The following KLHL13 variants were observed in gnomAD, a reference collection of about 807,000 sequenced individuals.
The protein encoded by KLHL13 is kelch like family member 13, also known as kelch-like protein 13.
A neutral mutation model predicts 37.1 loss-of-function variants in KLHL13; 10 were observed. That is an observed-to-expected ratio of 0.27 (90% CI 0.17 to 0.46). KLHL13 has a LOEUF of 0.46. Among genes scored for constraint, KLHL13 ranks in the 20% least tolerant of loss-of-function variants. KLHL13 has a pLI of 1.00. For missense variants in KLHL13, 360 were observed against 509.3 expected (o/e 0.71, Z 2.82); for synonymous variants, 163 against 181.2 (o/e 0.90, Z 0.81).
chrX:117,973,125 CAA>C, exon 1 of KLHL13: 2 of 970,309 alleles, frequency 2.1e-6, no homozygotes, highest in Non-Finnish European at 1.3e-6. Flanking sequence ...GCATACCATA[CAA>C]TGCAGCTTTA....
chrX:117,902,062 G>T, intron 5 of KLHL13, 116 bp from the exon 7 acceptor site: 1 of 421,534 alleles, frequency 2.4e-6, no homozygotes, highest in Non-Finnish European at 4.2e-6. Context: ...ATCTATTATA[G>T]CTATGATAGA....
chrX:117,998,544 G>C (rs1220884771), intron 1 of KLHL13, among the ~76,000 whole-genome samples: 2 of 111,435 alleles, frequency 1.8e-5, no homozygotes, highest in Non-Finnish European at 3.8e-5. Flanking sequence ...GGCTGAGAAA[G>C]AGCACCAAAG....
At chrX:118,036,479 A>C (rs2054443243) in intron 1 of KLHL13, among the ~76,000 whole-genome samples, 2 of 111,582 alleles carry the variant, frequency 1.8e-5, no homozygotes, top group African/African-American at 6.5e-5. Flanking sequence ...CCGGAGAAAA[A>C]CAAGAAATGG....
chrX:117,985,524 A>G lies in KLHL13; in HGVS notation c.-55-39949T>C, dbSNP rs111756814. On this transcript the variant is annotated intron_variant, in intron 1 of 6. Transcript: ENST00000371882. ...TGTAGTCAGTGTAGTTGAACTATTT[A>G]TATTTCATATCTAAACTGCTGGCCA... 266 of 202,328 alleles carry G rather than the reference A, an allele frequency of 1.3e-3. 3 individuals carry two copies. The highest frequency in any genetic ancestry group is 1.8e-3 in the Non-Finnish European group (246 of 137,280). The allele number at this position is 202,328 out of a possible 1,213,427, so 16.7% of individuals were successfully genotyped here.
At chrX:118,106,868 T>C (rs1199410973) in intron 1 of KLHL13, among the ~76,000 whole-genome samples, 1 of 112,344 alleles carries the variant, frequency 8.9e-6, no homozygotes, top group Non-Finnish European at 1.9e-5. Context: ...TATCAAACTT[T>C]TATCTTCTCT....
intron 1 of KLHL13, among the ~76,000 whole-genome samples, chrX:117,970,829 A>G (rs1450947001): frequency 1.8e-5 from 2 of 111,935 alleles, no homozygotes; most frequent in Non-Finnish European, 3.8e-5. Context: ...AAAAAGAAAA[A>G]TAAGTTAAGA....
At chrX:118,036,510 T>C (rs2054443745) in intron 1 of KLHL13, among the ~76,000 whole-genome samples, 1 of 111,798 alleles carries the variant, frequency 8.9e-6, no homozygotes, top group African/African-American at 3.3e-5. Flanking sequence ...CCCTATTTAA[T>C]AAATGATGCT....
chrX:117,944,599 G>A (rs7890987), intron 2 of KLHL13, among the ~76,000 whole-genome samples: 9,483 of 110,822 alleles, frequency 0.086, 356 homozygotes, highest in Middle Eastern at 0.14. Flanking sequence ...AATCCATCTG[G>A]GGAGATTTCT....
At chrX:117,998,176 A>C in intron 1 of KLHL13, among the ~76,000 whole-genome samples, 1 of 111,823 alleles carries the variant, frequency 8.9e-6, no homozygotes, top group East Asian at 2.8e-4. Flanking sequence ...GGTACACAGA[A>C]ACCCCATGGG....
upstream of KLHL13, among the ~76,000 whole-genome samples, chrX:117,974,106 T>A (rs1034286955): frequency 1.8e-5 from 2 of 111,616 alleles, no homozygotes; most frequent in African/African-American, 6.5e-5. Flanking sequence ...AAGTGACTTT[T>A]AAGCTTCTGT....
At chrX:118,108,951 C>T (rs905738555) in intron 1 of KLHL13, among the ~76,000 whole-genome samples, 4 of 111,335 alleles carry the variant, frequency 3.6e-5, no homozygotes, top group Non-Finnish European at 7.5e-5. Flanking sequence ...AGACTATAGG[C>T]GTGTGCCTCC....
At chrX:118,080,921 T>C (rs2054985250) in intron 1 of KLHL13, among the ~76,000 whole-genome samples, 1 of 111,553 alleles carries the variant, frequency 9.0e-6, no homozygotes. Flanking sequence ...CAAGGAATAC[T>C]ATGCAGCCAT....
intron 1 of KLHL13, among the ~76,000 whole-genome samples, chrX:118,011,502 A>C (rs1602648600): frequency 9.0e-6 from 1 of 110,802 alleles, no homozygotes; most frequent in Non-Finnish European, 1.9e-5. Flanking sequence ...GATTAGAAGG[A>C]TATTTTAATG....
intron 4 of KLHL13, among the ~76,000 whole-genome samples, chrX:117,918,086 G>A (rs1304778244): frequency 9.0e-6 from 1 of 111,536 alleles, no homozygotes; most frequent in African/African-American, 3.3e-5. Context: ...TTCAGTAATG[G>A]AGGCAAGCAA....
At chrX:118,032,928 G>C (rs2148037537) in intron 1 of KLHL13, among the ~76,000 whole-genome samples, 1 of 111,860 alleles carries the variant, frequency 8.9e-6, no homozygotes, top group South Asian at 3.8e-4. Context: ...CAAGGCTTGA[G>C]AACTACGTGA....
chrX:117,994,655 T>C (rs997937356), intron 1 of KLHL13, among the ~76,000 whole-genome samples: 72 of 112,316 alleles, frequency 6.4e-4, no homozygotes, highest in African/African-American at 2.3e-3. Flanking sequence ...ACTGGGCACA[T>C]TCAGCTTCTT....
chrX:117,991,280 C>T (rs914394964), intron 1 of KLHL13, among the ~76,000 whole-genome samples: 3 of 110,067 alleles, frequency 2.7e-5, no homozygotes, highest in African/African-American at 1.0e-4. Flanking sequence ...CATATTAATC[C>T]TGAAGGAAGA....
intron 1 of KLHL13, among the ~76,000 whole-genome samples, chrX:118,070,905 C>A (rs998951642): frequency 9.2e-6 from 1 of 108,555 alleles, no homozygotes; most frequent in East Asian, 2.9e-4. Flanking sequence ...ATCCCTCCCC[C>A]CTTCCCCCAC....
chrX:118,062,782 G>T (rs2054755172), intron 1 of KLHL13, among the ~76,000 whole-genome samples: 1 of 110,909 alleles, frequency 9.0e-6, no homozygotes, highest in Non-Finnish European at 1.9e-5. Flanking sequence ...AAAAGGGTAA[G>T]GTCAACGTCT....
Sources: gnomAD v4.1 joint callset for allele counts (sites outside exome capture counted in the v4.1 genomes callset) on GRCh38, gnomAD v4.1.1 for gene constraint, MANE v1.5 for transcripts, NCBI Gene and HGNC (gene_info 2026-07-23, HGNC 2026-07-21) for gene names.